The following AEBP2 variants were observed in gnomAD, a reference collection of about 807,000 sequenced individuals.
AEBP2 encodes the protein zinc finger protein AEBP2.
AEBP2 carries 10 observed loss-of-function variants against 50.8 expected under a neutral mutation model. That is an observed-to-expected ratio of 0.20 (90% CI 0.12 to 0.33). AEBP2 has a LOEUF of 0.33. AEBP2 is among the 10% of genes least tolerant of loss of function. The pLI is 1.00. For synonymous variants in AEBP2, 296 were observed against 261.3 expected, an observed-to-expected ratio of 1.13 and a Z score of -1.28; for missense variants, 570 against 688.0, an observed-to-expected ratio of 0.83 and a Z score of 1.92.
intron 1 of AEBP2, among the ~76,000 whole-genome samples, chr12:19,407,594 G>A (rs12368221): frequency 0.47 from 72,049 of 151,920 alleles, 17,932 homozygotes; most frequent in Non-Finnish European, 0.57. Context: ...GAGCCACTAC[G>A]CCCAGCCTCC....
chr12:19,408,624 G>T (rs993193922), intron 1 of AEBP2, among the ~76,000 whole-genome samples: 1 of 151,840 alleles, frequency 6.6e-6, no homozygotes, highest in Admixed American at 6.6e-5. Flanking sequence ...ATGCAAGGCC[G>T]GGCGCGGTGA....
At chr12:19,463,223 G>A (rs983819984) in intron 2 of AEBP2, among the ~76,000 whole-genome samples, 1 of 152,198 alleles carries the variant, frequency 6.6e-6, no homozygotes, top group Admixed American at 6.5e-5. Context: ...TAGATGGAAA[G>A]TTCTGATTAG....
chr12:19,405,615 C>T (rs1397923320), intron 1 of AEBP2, among the ~76,000 whole-genome samples: 1 of 152,126 alleles, frequency 6.6e-6, no homozygotes, highest in Non-Finnish European at 1.5e-5. Flanking sequence ...TGATCCACTG[C>T]GCCCGGCTGG....
chr12:19,453,350 T>C (rs887705802), intron 1 of AEBP2, among the ~76,000 whole-genome samples: 1 of 152,030 alleles, frequency 6.6e-6, no homozygotes, highest in Non-Finnish European at 1.5e-5. Flanking sequence ...ACTCTTGGCC[T>C]CAAGCAGTCC....
intron 1 of AEBP2, among the ~76,000 whole-genome samples, chr12:19,404,934 T>C (rs2095735403): frequency 6.8e-6 from 1 of 146,678 alleles, no homozygotes; most frequent in Non-Finnish European, 1.5e-5. Context: ...GCTACTCTTT[T>C]TTTTTTTTTT....
At chr12:19,454,023 T>G (rs529528879) in intron 1 of AEBP2, among the ~76,000 whole-genome samples, 127 of 152,206 alleles carry the variant, frequency 8.3e-4, no homozygotes, top group African/African-American at 3.0e-3. Context: ...TTTGGAGATA[T>G]GGACAGTCTC....
intron 1 of AEBP2, chr12:19,440,870 C>A: frequency 2.1e-5 from 22 of 1,040,198 alleles, no homozygotes; most frequent in South Asian, 9.8e-5. Flanking sequence ...TCTACTTAAA[C>A]AAAAAAAGGA....
chr12:19,460,987 G>A (rs969412265), intron 1 of AEBP2, among the ~76,000 whole-genome samples: 2 of 152,050 alleles, frequency 1.3e-5, no homozygotes, highest in African/African-American at 4.8e-5. Flanking sequence ...GGTATATACT[G>A]TGGTTGATTG....
In AEBP2 at chr12:19,521,331, A is replaced by G. The variant is rs1046046245; in HGVS notation, c.*3214A>G. 2 of 152,062 alleles carry G rather than the reference A, an allele frequency of 1.3e-5. No individual in the cohort carries two copies. Among genetic ancestry groups the G allele is most frequent in the East Asian group, 3.8e-4 (2 of 5,198 alleles). 9.4% of individuals were successfully genotyped at this position (152,062 alleles called of 1,614,324 possible). ...CTGCCATATTAGGTACCTACAACAA[A>G]TGGTGGTTTTTGGAAACTTTTACGG... On this transcript the variant is annotated 3_prime_UTR_variant, in exon 8 of 8. Coordinates refer to ENST00000266508, the MANE Select transcript of AEBP2 (RefSeq NM_153207.5).
intron 4 of AEBP2, among the ~76,000 whole-genome samples, chr12:19,497,398 C>T (rs925175948): frequency 1.7e-5 from 2 of 120,824 alleles, no homozygotes; most frequent in Non-Finnish European, 3.1e-5. Flanking sequence ...TGCAGTGGTG[C>T]GATCTTGGCT....
chr12:19,480,916 A>G (rs1047707358), intron 3 of AEBP2, among the ~76,000 whole-genome samples: 1 of 152,070 alleles, frequency 6.6e-6, no homozygotes, highest in African/African-American at 2.4e-5. Flanking sequence ...CTTTCTCAGA[A>G]ACACCAGTTA....
chr12:19,435,053 T>C (rs1446440830), upstream of AEBP2, among the ~76,000 whole-genome samples: 1 of 152,126 alleles, frequency 6.6e-6, no homozygotes, highest in African/African-American at 2.4e-5. Flanking sequence ...ATCTCCTATA[T>C]ATTAGATTCT....
chr12:19,430,401 A>G (rs2153365147), intron 1 of AEBP2, among the ~76,000 whole-genome samples: 1 of 152,328 alleles, frequency 6.6e-6, no homozygotes, highest in African/African-American at 2.4e-5. Context: ...GTTTGAAGTC[A>G]GGTAGTGTGA....
intron 1 of AEBP2, chr12:19,419,060 T>C: frequency 6.0e-6 from 1 of 167,744 alleles, no homozygotes; most frequent in Non-Finnish European, 1.4e-5. Flanking sequence ...CCTCACTCTT[T>C]TCACTGGGGA....
At chr12:19,492,778 C>G (rs1948914095) in intron 3 of AEBP2, among the ~76,000 whole-genome samples, 1 of 151,862 alleles carries the variant, frequency 6.6e-6, no homozygotes, top group Non-Finnish European at 1.5e-5. Flanking sequence ...ACCAGCTTAC[C>G]CAACATGGTG....
intron 3 of AEBP2, among the ~76,000 whole-genome samples, chr12:19,483,178 T>A (rs1948755270): frequency 1.3e-5 from 2 of 152,158 alleles, no homozygotes; most frequent in Non-Finnish European, 2.9e-5. Context: ...ACTGGCTGTC[T>A]TCTGCTAGTA....
chr12:19,478,534 C>T (rs910024909), intron 3 of AEBP2, among the ~76,000 whole-genome samples: 1 of 152,156 alleles, frequency 6.6e-6, no homozygotes, highest in Non-Finnish European at 1.5e-5. Flanking sequence ...AGGTGATCCA[C>T]CTGCCTAGGC....
chr12:19,424,478 G>A (rs1169965591), intron 1 of AEBP2, among the ~76,000 whole-genome samples: 1 of 151,712 alleles, frequency 6.6e-6, no homozygotes, highest in Non-Finnish European at 1.5e-5. Context: ...CTCACTGCAA[G>A]CTCTGCCTCC....
At chr12:19,504,636 A>G (rs1417865639) in intron 5 of AEBP2, among the ~76,000 whole-genome samples, 1 of 152,070 alleles carries the variant, frequency 6.6e-6, no homozygotes, top group East Asian at 1.9e-4. Flanking sequence ...ATTTAGATTG[A>G]TATGTGTGAT....
Sources: gnomAD v4.1 joint callset for allele counts (sites outside exome capture counted in the v4.1 genomes callset) on GRCh38, gnomAD v4.1.1 for gene constraint, MANE v1.5 for transcripts, NCBI Gene and HGNC (gene_info 2026-07-23, HGNC 2026-07-21) for gene names.